Variants in TMEM132B observed in about 807,000 individuals in gnomAD.
The protein encoded by TMEM132B is transmembrane protein 132B.
Under a neutral mutation model 90.8 loss-of-function variants are expected in TMEM132B, and 18 were observed. That is an observed-to-expected ratio of 0.20 (90% CI 0.14 to 0.29). The LOEUF (loss-of-function observed/expected upper bound fraction) is 0.29, where lower values mean the gene tolerates loss of function less well. Ranked by LOEUF, TMEM132B falls within the 10% of genes least tolerant of loss-of-function variation. The probability of loss-of-function intolerance (pLI) is 1.00; values close to 1 mark genes in which losing one functional copy is unlikely to be tolerated. For missense variants in TMEM132B, 1,096 were observed against 1,326.8 expected (o/e 0.83, Z 2.70); for synonymous variants, 504 against 523.3 (o/e 0.96, Z 0.50).
intron 3 of TMEM132B, among the ~76,000 whole-genome samples, chr12:125,507,991 G>A (rs1408184740): frequency 6.6e-6 from 1 of 152,102 alleles, no homozygotes; most frequent in Admixed American, 6.5e-5. Context: ...TTAGAGTGAG[G>A]TATTTAAAAA....
intron 1 of TMEM132B, among the ~76,000 whole-genome samples, chr12:125,260,571 A>G (rs960658677): frequency 4.7e-5 from 7 of 149,542 alleles, no homozygotes; most frequent in Non-Finnish European, 7.4e-5. Context: ...CTGGTCTCAA[A>G]CTCCTGGCCT....
chr12:125,428,467 C>T (rs1290191453), intron 3 of TMEM132B, among the ~76,000 whole-genome samples: 1 of 151,966 alleles, frequency 6.6e-6, no homozygotes, highest in Non-Finnish European at 1.5e-5. Context: ...GACATTATAT[C>T]ATATTATATC....
At chr12:125,466,002 A>G (rs1057089842) in intron 3 of TMEM132B, among the ~76,000 whole-genome samples, 2 of 152,320 alleles carry the variant, frequency 1.3e-5, no homozygotes, top group Admixed American at 1.3e-4. Context: ...ACCATGAGCC[A>G]CAATAAATCT....
intron 5 of TMEM132B, among the ~76,000 whole-genome samples, chr12:125,633,863 G>C (rs1886420926): frequency 6.6e-6 from 1 of 152,224 alleles, no homozygotes; most frequent in Admixed American, 6.5e-5. Context: ...CTATGACTGT[G>C]CTGGATCAGA....
chr12:125,565,404 TC>T (rs1253873167), intron 4 of TMEM132B, among the ~76,000 whole-genome samples: 1 of 152,218 alleles, frequency 6.6e-6, no homozygotes. Context: ...GACCTGTGAC[TC>T]CTGAAGCCCA....
chr12:125,189,292 GC>G (rs370902200), intron 1 of TMEM132B, among the ~76,000 whole-genome samples: 113 of 152,320 alleles, frequency 7.4e-4, no homozygotes, highest in Non-Finnish European at 1.5e-3. Flanking sequence ...TTGCAAATTA[GC>G]GGTGCAGTTA....
At chr12:125,328,280 C>G (rs1876652181) in intron 1 of TMEM132B, among the ~76,000 whole-genome samples, 1 of 152,180 alleles carries the variant, frequency 6.6e-6, no homozygotes, top group Non-Finnish European at 1.5e-5. Context: ...CAGCACGGTG[C>G]CCTCACTCCT....
At chr12:125,491,443 CT>C (rs1472497752) in intron 3 of TMEM132B, among the ~76,000 whole-genome samples, 1 of 152,178 alleles carries the variant, frequency 6.6e-6, no homozygotes, top group African/African-American at 2.4e-5. Context: ...AGACCCTGAG[CT>C]GTTAGGGCCA....
At chr12:125,424,059 T>G (rs444503) in intron 3 of TMEM132B, among the ~76,000 whole-genome samples, 112,856 of 152,128 alleles carry the variant, frequency 0.74, 43,542 homozygotes, top group East Asian at 0.97. Context: ...AAGTATAATA[T>G]TCTATTGATA....
intron 3 of TMEM132B, among the ~76,000 whole-genome samples, chr12:125,452,737 A>T (rs1566040620): frequency 6.6e-6 from 1 of 152,164 alleles, no homozygotes; most frequent in Non-Finnish European, 1.5e-5. Context: ...ACAACATTGA[A>T]CATCTTTTCA....
chr12:125,430,108 T>A (rs1452828688), intron 3 of TMEM132B, among the ~76,000 whole-genome samples: 1 of 152,228 alleles, frequency 6.6e-6, no homozygotes, highest in Non-Finnish European at 1.5e-5. Context: ...GTACCGTGCC[T>A]GACACCACGC....
intron 4 of TMEM132B, among the ~76,000 whole-genome samples, chr12:125,552,508 C>A (rs1884255484): frequency 6.6e-6 from 1 of 152,144 alleles, no homozygotes; most frequent in Non-Finnish European, 1.5e-5. Context: ...GTCCCCAGTC[C>A]CCAGAGAGTC....
At chr12:125,207,436 C>T (rs970265584) in intron 1 of TMEM132B, among the ~76,000 whole-genome samples, 5 of 152,314 alleles carry the variant, frequency 3.3e-5, no homozygotes, top group Middle Eastern at 3.4e-3. Flanking sequence ...GCCTCCAGAC[C>T]GGTGCTATTG....
Position 125,514,555 on chromosome 12 carries a change from GC to G in TMEM132B, c.1107-4883del, listed in dbSNP as rs1196457040. On this transcript the variant is annotated intron_variant, in intron 3 of 8. Transcript: ENST00000682704. ...AAACAGATACCTGAGACCAGAGACA[GC>G]TTCTCTTGTCCCATTTTTAGAATTC... Among the ~76,000 whole-genome samples the G allele has an allele frequency of 2.6e-5, 4 of 152,328 alleles. No individual in the cohort carries two copies. In the East Asian group the frequency reaches 7.7e-4, roughly 29 times the overall value.
In TMEM132B at chr12:125,277,296, T is replaced by C. The variant is rs1320108417; in HGVS notation, c.68-72156T>C. On this transcript the variant is annotated intron_variant, in intron 1 of 8. Coordinates refer to ENST00000682704, the MANE Select transcript of TMEM132B (RefSeq NM_001366854.1). The surrounding 1 kb of genome is among the most constrained non-coding windows in gnomAD (Gnocchi z 4.3). The stretch of plus-strand genomic sequence containing the variant: ...GAGTTCAAGACCAGCCTGGCCAACA[T>C]GGTGAAACCCTGTCTCTACTAAAAA... 1.3e-5 allele frequency among the ~76,000 whole-genome samples: 2 copies of C among 151,998 alleles called. No homozygotes were observed. The highest frequency in any genetic ancestry group is 2.9e-5 in the Non-Finnish European group (2 of 67,986).
intron 4 of TMEM132B, among the ~76,000 whole-genome samples, chr12:125,569,760 C>A (rs959786229): frequency 6.6e-6 from 1 of 152,040 alleles, no homozygotes; most frequent in Non-Finnish European, 1.5e-5. Context: ...CTTGACCAAC[C>A]CCCCCATCTC....
intron 1 of TMEM132B, among the ~76,000 whole-genome samples, chr12:125,315,054 C>G (rs368665232): frequency 2.0e-5 from 3 of 152,172 alleles, no homozygotes; most frequent in African/African-American, 7.2e-5. Context: ...AAGAAGGCAC[C>G]CTCCTGGGCT....
intron 2 of TMEM132B, among the ~76,000 whole-genome samples, chr12:125,369,506 G>A (rs1376117454): frequency 6.6e-6 from 1 of 152,014 alleles, no homozygotes; most frequent in Non-Finnish European, 1.5e-5. Flanking sequence ...ATCATGAGAA[G>A]AAAAAAGAGC....
At chr12:125,428,276 G>A (rs1880387788) in intron 3 of TMEM132B, among the ~76,000 whole-genome samples, 1 of 150,502 alleles carries the variant, frequency 6.6e-6, no homozygotes, top group Admixed American at 6.6e-5. Context: ...TTACAGGTGT[G>A]AGCCACTGCA....
Sources: gnomAD v4.1 joint callset for allele counts (sites outside exome capture counted in the v4.1 genomes callset) on GRCh38, gnomAD v4.1.1 for gene constraint, Gnocchi (gnomAD v3.1) non-coding constraint, MANE v1.5 for transcripts, NCBI Gene and HGNC (gene_info 2026-07-23, HGNC 2026-07-21) for gene names.